Variants in ZGPAT observed in about 807,000 individuals in gnomAD.
The protein encoded by ZGPAT is zinc finger CCCH-type and G-patch domain containing.
ZGPAT carries 39 observed loss-of-function variants against 47.9 expected under a neutral mutation model. That is an observed-to-expected ratio of 0.81 (90% CI 0.63 to 1.06). The LOEUF (loss-of-function observed/expected upper bound fraction) is 1.06. ZGPAT is among the 50% of genes least tolerant of loss of function. The pLI is 0.00. For missense variants in ZGPAT, 717 were observed against 681.4 expected, an observed-to-expected ratio of 1.05 and a Z score of -0.58; for synonymous variants, 348 against 292.9, an observed-to-expected ratio of 1.19 and a Z score of -1.92.
At chr20:63,721,327 G>A (rs936905397) in intron 2 of ZGPAT, among the ~76,000 whole-genome samples, 2 of 151,082 alleles carry the variant, frequency 1.3e-5, no homozygotes, top group African/African-American at 4.9e-5. Flanking sequence ...ACTCCAGCCT[G>A]GGCAACAGAG....
chr20:63,721,178 C>T (rs938920388), intron 2 of ZGPAT, among the ~76,000 whole-genome samples: 4 of 151,842 alleles, frequency 2.6e-5, no homozygotes, highest in Admixed American at 2.0e-4. Context: ...ATGGTGAAAC[C>T]CTGTCTCTAC....
intron 2 of ZGPAT, among the ~76,000 whole-genome samples, chr20:63,719,656 A>G (rs533454980): frequency 6.6e-6 from 1 of 151,410 alleles, no homozygotes; most frequent in South Asian, 2.1e-4. Context: ...AGTATTCTCT[A>G]TTTGGTTAGA....
rs181728992 is a variant in ZGPAT, at chr20:63,710,847, C to T, written c.584+1683C>T. On this transcript the variant is annotated intron_variant, in intron 2 of 6. Transcript: ENST00000355969. ...TACCTCTTCCATATTCAAATATGAA[C>T]AATTATTACTGTAATGTCTCTATTT... Among the ~76,000 whole-genome samples, 183 of 152,290 alleles carry T rather than the reference C, an allele frequency of 1.2e-3. 2 individuals are homozygous for T. Among genetic ancestry groups the T allele is most frequent in the African/African-American group, 4.3e-3 (180 of 41,566 alleles).
rs539449276 is a variant in ZGPAT at position 63,708,904 on chromosome 20, G to A, written c.324G>A (p.Glu108=). 2.5e-6 allele frequency: 4 copies of A among 1,611,052 alleles called. No homozygotes were observed. The highest frequency in any genetic ancestry group is 3.3e-4 in the Middle Eastern group (2 of 6,060). ...GSGSETVPKA[E]AGPESAAGGQ... ...GATCAGAGACCGTTCCTAAAGCAGA[G>A]GCGGGGCCAGAATCTGCGGCAGGTG... The change falls in exon 2 of 7, where the codon GAG becomes GAA. Residue 108 remains glutamate (E), a synonymous_variant. Transcript: ENST00000355969.
chr20:63,726,365 A>AT (rs1479356564), intron 2 of ZGPAT, among the ~76,000 whole-genome samples: 3 of 150,200 alleles, frequency 2.0e-5, no homozygotes, highest in African/African-American at 7.4e-5. Flanking sequence ...CGCCCAGCTA[A>AT]TTTTTTTGTA....
intron 2 of ZGPAT, among the ~76,000 whole-genome samples, chr20:63,715,338 C>T (rs959830869): frequency 6.7e-6 from 1 of 149,790 alleles, no homozygotes; most frequent in African/African-American, 2.5e-5. Flanking sequence ...CTCCCGGGTT[C>T]AAGCAATTCT....
At chr20:63,708,346 G>A (rs998909003) in intron 1 of ZGPAT, among the ~76,000 whole-genome samples, 3 of 151,998 alleles carry the variant, frequency 2.0e-5, no homozygotes, top group East Asian at 1.9e-4. Flanking sequence ...AGTGACGCGG[G>A]ACCCGGCTAG....
chr20:63,733,000 ATATGTGCATGTGTG>A (rs1209845720), intron 2 of ZGPAT, among the ~76,000 whole-genome samples: 1 of 148,824 alleles, frequency 6.7e-6, no homozygotes, highest in East Asian at 2.0e-4. Flanking sequence ...GTGCGTGTGT[ATATGTGCATGTGTG>A]TATGTGTGCG....
intron 2 of ZGPAT, chr20:63,730,018 G>GACACACA (rs2091880686): frequency 1.4e-5 from 2 of 146,962 alleles, no homozygotes; most frequent in African/African-American, 5.1e-5. Flanking sequence ...AGACTCTACT[G>GACACACA]CGCACACACA....
In ZGPAT at chr20:63,708,636, A is replaced by G; in HGVS notation, c.56A>G (p.Gln19Arg). Residue 19 changes from glutamine (Q) to arginine (R), a missense_variant, in exon 2 of 7, where the codon CAG (glutamine) becomes CGG (arginine). Transcript: ENST00000355969. ...ALQTYRAQLQ[Q>R]VELALGAGLD... ...CAGACCTACCGTGCGCAGCTGCAGCAGGTGGAGCTGGCCTTGGGCGCCGGC... is the reference window on the plus strand; with the variant it reads ...CAGACCTACCGTGCGCAGCTGCAGCGGGTGGAGCTGGCCTTGGGCGCCGGC... 1.2e-6 allele frequency: 2 copies of G among 1,612,088 alleles called. No individual in the cohort carries two copies. The highest frequency in any genetic ancestry group is 1.7e-6 in the Non-Finnish European group (2 of 1,179,464).
intron 2 of ZGPAT, among the ~76,000 whole-genome samples, chr20:63,710,730 A>G (rs1307895627): frequency 2.0e-5 from 3 of 152,218 alleles, no homozygotes; most frequent in African/African-American, 7.2e-5. Flanking sequence ...TTAGGAAATT[A>G]CTTAAAAAGT....
At chr20:63,733,055 C>A (rs7361830) in intron 2 of ZGPAT, among the ~76,000 whole-genome samples, 164 bp from the exon 3 acceptor site, 2 of 151,216 alleles carry the variant, frequency 1.3e-5, no homozygotes, top group Non-Finnish European at 3.0e-5. Context: ...TGTATGTGTG[C>A]GTGTGTATGT....
chr20:63,715,895 ATTCAAT>A (rs1395767386), intron 2 of ZGPAT, among the ~76,000 whole-genome samples: 3 of 152,182 alleles, frequency 2.0e-5, no homozygotes, highest in African/African-American at 7.2e-5. Flanking sequence ...TTGACTATTG[ATTCAAT>A]TTCCTTATTG....
In ZGPAT at chr20:63,735,965, C is replaced by T; in HGVS notation, c.*46C>T. On this transcript the variant is annotated 3_prime_UTR_variant, in exon 7 of 7. Coordinates refer to ENST00000355969, the MANE Select transcript of ZGPAT (RefSeq NM_181485.3). ...ACGAAGCGTGGGACCCCAGCACGGG[C>T]TGCCCTCAGGAAGACCAGTGTTGCC... 3.2e-6 allele frequency: 5 copies of T among 1,580,592 alleles called. No individual in the cohort carries two copies. In the East Asian group the frequency reaches 1.1e-4, roughly 36 times the overall value.
At chr20:63,733,505 C>T (rs1485109242) in intron 3 of ZGPAT, 82 bp from the exon 4 acceptor site, 15 of 1,610,594 alleles carry the variant, frequency 9.3e-6, no homozygotes, top group Non-Finnish European at 1.3e-5. Context: ...TCTGCCCTGC[C>T]TTGCTCCTCA....
chr20:63,732,752 A>G (rs2091929794), intron 2 of ZGPAT, among the ~76,000 whole-genome samples: 1 of 149,982 alleles, frequency 6.7e-6, no homozygotes, highest in South Asian at 2.1e-4. Context: ...ATGTGTGTGT[A>G]TGCCTGTGTA....
chr20:63,726,628 T>G (rs1345152215), intron 2 of ZGPAT, among the ~76,000 whole-genome samples: 1 of 152,068 alleles, frequency 6.6e-6, no homozygotes, highest in Non-Finnish European at 1.5e-5. Context: ...GCTCAAGCGA[T>G]TCTTATGCCT....
chr20:63,721,697 C>G (rs540402637), intron 2 of ZGPAT, among the ~76,000 whole-genome samples: 2 of 152,224 alleles, frequency 1.3e-5, no homozygotes, highest in East Asian at 1.9e-4. Flanking sequence ...GTCCCTCCCC[C>G]ACAACTTCAG....
At chr20:63,710,313 G>C (rs4809220) in intron 2 of ZGPAT, among the ~76,000 whole-genome samples, 144,074 of 152,040 alleles carry the variant, frequency 0.95, 68,297 homozygotes, top group East Asian at 0.99. Flanking sequence ...CCACCACACT[G>C]GGCTAATTTT....
Sources: gnomAD v4.1 joint callset for allele counts (sites outside exome capture counted in the v4.1 genomes callset) on GRCh38, gnomAD v4.1.1 for gene constraint, MANE v1.5 for transcripts, NCBI Gene and HGNC (gene_info 2026-07-23, HGNC 2026-07-21) for gene names.